Variants in LRRC8D observed in about 807,000 individuals in gnomAD.
LRRC8D encodes volume-regulated anion channel subunit LRRC8D.
Under a neutral mutation model 55.8 loss-of-function variants are expected in LRRC8D, and 20 were observed. The ratio of observed to expected loss-of-function variants is 0.36; its 90% CI spans 0.25 to 0.52. LRRC8D has a LOEUF of 0.52. Ranked by LOEUF, LRRC8D falls within the 20% of genes least tolerant of loss-of-function variation. The probability of loss-of-function intolerance (pLI) is 0.93; values close to 1 mark genes in which losing one functional copy is unlikely to be tolerated. For synonymous variants in LRRC8D, 352 were observed against 377.0 expected (o/e 0.93, Z 0.77); for missense variants, 651 against 1,030.8 (o/e 0.63, Z 5.05).
chr1:89,851,524 T>G (rs555115578), intron 2 of LRRC8D, among the ~76,000 whole-genome samples: 1 of 152,142 alleles, frequency 6.6e-6, no homozygotes, highest in South Asian at 2.1e-4. Context: ...TTTTTTTTTT[T>G]TTGAGACGAG....
At chr1:89,921,652 C>A (rs945769388) in intron 2 of LRRC8D, among the ~76,000 whole-genome samples, 1 of 152,258 alleles carries the variant, frequency 6.6e-6, no homozygotes, top group East Asian at 1.9e-4. Flanking sequence ...TCAAGCAATT[C>A]TTCTTCCTCA....
At chr1:89,892,926 A>G (rs1662616533) in intron 2 of LRRC8D, among the ~76,000 whole-genome samples, 1 of 152,238 alleles carries the variant, frequency 6.6e-6, no homozygotes, top group East Asian at 1.9e-4. Flanking sequence ...TTGAAATTAC[A>G]TGTCCTCAGC....
At chr1:89,843,522 C>G (rs1407676340) in intron 1 of LRRC8D, 116 bp from the exon 2 acceptor site, 2 of 631,884 alleles carry the variant, frequency 3.2e-6, no homozygotes, top group Non-Finnish European at 5.8e-6. Context: ...CCCACCATGG[C>G]AGTTATGCAA....
At chr1:89,886,488 G>A (rs1275789804) in intron 2 of LRRC8D, among the ~76,000 whole-genome samples, 1 of 152,120 alleles carries the variant, frequency 6.6e-6, no homozygotes, top group Non-Finnish European at 1.5e-5. Flanking sequence ...GCAATTAAGA[G>A]GCTGCTTCTC....
chr1:89,907,233 C>T (rs1557478479), intron 2 of LRRC8D, among the ~76,000 whole-genome samples: 1 of 134,406 alleles, frequency 7.4e-6, no homozygotes, highest in Non-Finnish European at 1.6e-5. Flanking sequence ...ACTCAGTTGC[C>T]CAGGCTGGAG....
At chr1:89,860,487 CA>C (rs1661673877) in intron 2 of LRRC8D, among the ~76,000 whole-genome samples, 1 of 151,910 alleles carries the variant, frequency 6.6e-6, no homozygotes, top group South Asian at 2.1e-4. Context: ...TGGCCGGGCA[CA>C]GTGGCTCACG....
chr1:89,927,133 G>T (rs1219295861), intron 2 of LRRC8D, among the ~76,000 whole-genome samples: 1 of 152,240 alleles, frequency 6.6e-6, no homozygotes, highest in Non-Finnish European at 1.5e-5. Context: ...CTCAGGCCAG[G>T]GAAATAAATA....
At chr1:89,888,475 A>G (rs898508389) in intron 2 of LRRC8D, among the ~76,000 whole-genome samples, 2 of 152,226 alleles carry the variant, frequency 1.3e-5, no homozygotes, top group Non-Finnish European at 2.9e-5. Context: ...ATACAAAGAA[A>G]TATTTATAGA....
chr1:89,860,881 C>T (rs1347519506), intron 2 of LRRC8D, among the ~76,000 whole-genome samples: 2 of 146,724 alleles, frequency 1.4e-5, no homozygotes, highest in African/African-American at 5.1e-5. Flanking sequence ...CTCCATTCCC[C>T]CTTTTAAAGT....
chr1:89,920,808 G>A (rs947188798), intron 2 of LRRC8D, among the ~76,000 whole-genome samples: 6 of 151,792 alleles, frequency 4.0e-5, no homozygotes, highest in Non-Finnish European at 7.4e-5. Flanking sequence ...GGTGTGCTGT[G>A]TGAGTATCTG....
At chr1:89,843,458 A>G (rs1387907844) in intron 1 of LRRC8D, 180 bp from the exon 2 acceptor site, 1 of 419,916 alleles carries the variant, frequency 2.4e-6, no homozygotes, top group African/African-American at 2.1e-5. Flanking sequence ...CCACCTCGGC[A>G]CCACGCGGGC....
intron 2 of LRRC8D, among the ~76,000 whole-genome samples, chr1:89,899,355 G>A (rs1182980337): frequency 2.6e-5 from 4 of 152,208 alleles, no homozygotes; most frequent in Admixed American, 2.6e-4. Context: ...GGTCAAATCA[G>A]CCACATCCAA....
At chr1:89,879,822 T>C (rs1425766923) in intron 2 of LRRC8D, among the ~76,000 whole-genome samples, 1 of 152,160 alleles carries the variant, frequency 6.6e-6, no homozygotes, top group Non-Finnish European at 1.5e-5. Flanking sequence ...TCATGAGGGA[T>C]AAAAACATAA....
At chr1:89,912,065 C>G (rs1663145589) in intron 2 of LRRC8D, among the ~76,000 whole-genome samples, 1 of 152,102 alleles carries the variant, frequency 6.6e-6, no homozygotes, top group South Asian at 2.1e-4. Flanking sequence ...AGATCTTTCT[C>G]TTAGGATTCA....
chr1:89,887,295 A>G (rs1376505456), intron 2 of LRRC8D, among the ~76,000 whole-genome samples: 3 of 152,144 alleles, frequency 2.0e-5, no homozygotes, highest in Non-Finnish European at 4.4e-5. Flanking sequence ...CACATATTAT[A>G]ATACCTTATA....
chr1:89,878,922 G>A (rs1020994530), intron 2 of LRRC8D, among the ~76,000 whole-genome samples: 4 of 146,542 alleles, frequency 2.7e-5, no homozygotes, highest in Non-Finnish European at 3.0e-5. Flanking sequence ...AGCTGAGGTC[G>A]CACCACTGCA....
intron 2 of LRRC8D, among the ~76,000 whole-genome samples, chr1:89,889,879 T>G (rs1371565304): frequency 6.7e-6 from 1 of 148,744 alleles, no homozygotes; most frequent in Non-Finnish European, 1.5e-5. Context: ...TGAGACCCTG[T>G]CTGAAAAAAA....
intron 2 of LRRC8D, among the ~76,000 whole-genome samples, chr1:89,897,790 T>C (rs947594609): frequency 6.6e-6 from 1 of 152,198 alleles, no homozygotes; most frequent in Non-Finnish European, 1.5e-5. Context: ...TTTGAACTGG[T>C]CTGCCTTAGC....
At chr1:89,871,575 C>A (rs771109551) in intron 2 of LRRC8D, among the ~76,000 whole-genome samples, 3 of 152,144 alleles carry the variant, frequency 2.0e-5, no homozygotes, top group Admixed American at 6.6e-5. Context: ...ACTCTTAGGT[C>A]TCTGACGGTA....
Sources: allele counts gnomAD v4.1 joint callset (sites outside exome capture counted in the v4.1 genomes callset), GRCh38; gene constraint gnomAD v4.1.1; transcripts MANE v1.5; gene names NCBI Gene and HGNC (gene_info 2026-07-23, HGNC 2026-07-21).